Variants in FYB1 observed in about 807,000 individuals in gnomAD.
The protein encoded by FYB1 is FYN-binding protein 1.
FYB1 carries 41 observed loss-of-function variants against 94.1 expected under a neutral mutation model. The ratio of observed to expected loss-of-function variants is 0.44; its 90% confidence interval spans 0.34 to 0.57. FYB1 has a LOEUF of 0.57. FYB1 is among the 20% of genes least tolerant of loss of function. FYB1 has a pLI of 0.02. For missense variants in FYB1, 1,050 were observed against 976.8 expected, an observed-to-expected ratio of 1.07 and a Z score of -1.00; for synonymous variants, 367 against 353.2, an observed-to-expected ratio of 1.04 and a Z score of -0.44.
At chr5:39,253,816 T>G (rs772327597) in intron 1 of FYB1, among the ~76,000 whole-genome samples, 8 of 152,180 alleles carry the variant, frequency 5.3e-5, no homozygotes, top group Admixed American at 6.5e-5. Context: ...CCCAATATTT[T>G]TCCTGATCCT....
intron 2 of FYB1, among the ~76,000 whole-genome samples, chr5:39,170,851 A>G (rs997189477): frequency 1.3e-5 from 2 of 152,156 alleles, no homozygotes; most frequent in Non-Finnish European, 2.9e-5. Context: ...GTGATATTCC[A>G]GCCCATCCAA....
intron 16 of FYB1, among the ~76,000 whole-genome samples, chr5:39,116,983 G>A (rs1303142092): frequency 6.6e-6 from 1 of 152,144 alleles, no homozygotes; most frequent in Non-Finnish European, 1.5e-5. Flanking sequence ...ACTATGGCAA[G>A]AATTTCTTCT....
At chr5:39,241,345 C>T (rs1448586533) in intron 1 of FYB1, among the ~76,000 whole-genome samples, 2 of 152,154 alleles carry the variant, frequency 1.3e-5, no homozygotes, top group African/African-American at 2.4e-5. Flanking sequence ...ATAAATAAGG[C>T]ATCACTACAA....
At chr5:39,229,602 T>G (rs1336039857) in intron 1 of FYB1, among the ~76,000 whole-genome samples, 4 of 152,182 alleles carry the variant, frequency 2.6e-5, no homozygotes, top group African/African-American at 9.7e-5. Flanking sequence ...AGTCAAATAA[T>G]GATTAATAGC....
intron 16 of FYB1, among the ~76,000 whole-genome samples, chr5:39,115,993 C>T (rs1739529630): frequency 6.6e-6 from 1 of 152,132 alleles, no homozygotes; most frequent in South Asian, 2.1e-4. Context: ...TTACTCCCTA[C>T]CTTCCCAGGA....
intron 2 of FYB1, among the ~76,000 whole-genome samples, chr5:39,175,852 G>A (rs1745673840): frequency 6.6e-6 from 1 of 152,142 alleles, no homozygotes. Flanking sequence ...AATGCTACTG[G>A]CTTCTTAGGG....
At chr5:39,197,769 C>G (rs1019854231) in intron 2 of FYB1, among the ~76,000 whole-genome samples, 1 of 152,216 alleles carries the variant, frequency 6.6e-6, no homozygotes, top group African/African-American at 2.4e-5. Context: ...TCTGGGGGCA[C>G]TTGTGACCTA....
At chr5:39,165,597 G>C (rs1180654126) in intron 2 of FYB1, among the ~76,000 whole-genome samples, 1 of 152,154 alleles carries the variant, frequency 6.6e-6, no homozygotes, top group Non-Finnish European at 1.5e-5. Context: ...TCATGGCTAA[G>C]ACTTCAAAAG....
At chr5:39,159,364 T>G (rs191549265) in intron 2 of FYB1, among the ~76,000 whole-genome samples, 2 of 152,314 alleles carry the variant, frequency 1.3e-5, no homozygotes, top group East Asian at 3.9e-4. Context: ...GAGTCTGTAT[T>G]GGTGAACTCT....
chr5:39,115,636 A>AG (rs1347690951), intron 16 of FYB1, among the ~76,000 whole-genome samples: 2 of 152,134 alleles, frequency 1.3e-5, no homozygotes, highest in African/African-American at 4.8e-5. Flanking sequence ...TAGGAGAGGG[A>AG]GGGTTAAAAA....
At position 39,255,685 on chromosome 5, in the gene FYB1, C is replaced by T. The variant is rs148483169; in HGVS notation, c.-28+18718G>A. ...ACCTTATCCTGACTCTTTCTACATACCCAGAACTGTATACTTTAAAGCCAA... is the reference window on the plus strand; with the variant it reads ...ACCTTATCCTGACTCTTTCTACATATCCAGAACTGTATACTTTAAAGCCAA... On this transcript the variant is annotated intron_variant, in intron 1 of 1. Transcript: ENST00000510188. Among the ~76,000 whole-genome samples, 143 of 152,250 alleles carry T rather than the reference C, an allele frequency of 9.4e-4. 1 individual carries two copies. Among genetic ancestry groups the T allele is most frequent in the African/African-American group, 3.3e-3 (138 of 41,534 alleles).
At chr5:39,247,080 A>G (rs865995118) in intron 1 of FYB1, among the ~76,000 whole-genome samples, 179 of 115,878 alleles carry the variant, frequency 1.5e-3, no homozygotes, top group Middle Eastern at 4.2e-3. Flanking sequence ...TCATATATAT[A>G]TATATATATA....
At chr5:39,213,734 C>T (rs1214355451) in intron 1 of FYB1, among the ~76,000 whole-genome samples, 1 of 152,002 alleles carries the variant, frequency 6.6e-6, no homozygotes, top group Non-Finnish European at 1.5e-5. Flanking sequence ...CCAACCCTGG[C>T]TCCAAACAGC....
chr5:39,250,382 T>A (rs915492353), intron 1 of FYB1, among the ~76,000 whole-genome samples: 2 of 152,156 alleles, frequency 1.3e-5, no homozygotes, highest in Non-Finnish European at 2.9e-5. Flanking sequence ...AGGGAAGAAT[T>A]GTATTGCAGA....
chr5:39,176,192 C>T (rs951751082), intron 2 of FYB1, among the ~76,000 whole-genome samples: 13 of 132,078 alleles, frequency 9.8e-5, no homozygotes, highest in Non-Finnish European at 1.6e-4. Context: ...ACTCTGTCGC[C>T]CAGACTGGAG....
chr5:39,179,541 CT>C, intron 2 of FYB1, among the ~76,000 whole-genome samples: 1 of 106,250 alleles, frequency 9.4e-6, no homozygotes, highest in Non-Finnish European at 2.4e-5. Context: ...AGCTTTTCTT[CT>C]TTTTTCTTTT....
chr5:39,229,684 T>C (rs1052335391), intron 1 of FYB1, among the ~76,000 whole-genome samples: 2 of 152,186 alleles, frequency 1.3e-5, no homozygotes, highest in Non-Finnish European at 2.9e-5. Context: ...AGTTTAATCC[T>C]CATAATATTG....
At chr5:39,110,495 A>G in intron 16 of FYB1, 106 bp from the exon 17 acceptor site, 1 of 648,586 alleles carries the variant, frequency 1.5e-6, no homozygotes, top group Non-Finnish European at 2.6e-6. Context: ...AGTATATTGA[A>G]TAATTGTATC....
chr5:39,264,623 C>T (rs1752352508), intron 1 of FYB1, among the ~76,000 whole-genome samples: 1 of 152,174 alleles, frequency 6.6e-6, no homozygotes, highest in African/African-American at 2.4e-5. Flanking sequence ...CTGCCACTTC[C>T]TCAGCTTGAA....
Sources: allele counts gnomAD v4.1 joint callset (sites outside exome capture counted in the v4.1 genomes callset), GRCh38; gene constraint gnomAD v4.1.1; transcripts MANE v1.5; gene names NCBI Gene and HGNC (gene_info 2026-07-23, HGNC 2026-07-21).